MAP2: variants seen among roughly 807,000 people sequenced by gnomAD.
MAP2 encodes the protein microtubule associated protein 2.
In MAP2, 14 loss-of-function variants were observed where a neutral mutation model predicts 137.6. The observed-to-expected ratio is 0.10, with a 90% CI of 0.07 to 0.16. The LOEUF (loss-of-function observed/expected upper bound fraction) is 0.16, where lower values mean the gene tolerates loss of function less well. MAP2 is among the 10% of genes least tolerant of loss of function. The pLI, the probability that MAP2 is intolerant of heterozygous loss-of-function variation, is 1.00. For synonymous variants in MAP2, 786 were observed against 782.3 expected, an observed-to-expected ratio of 1.00 and a Z score of -0.08; for missense variants, 2,088 against 2,191.5, an observed-to-expected ratio of 0.95 and a Z score of 0.94.
intron 3 of MAP2, among the ~76,000 whole-genome samples, chr2:209,618,980 T>C (rs1001284283): frequency 6.6e-6 from 1 of 152,170 alleles, no homozygotes; most frequent in African/African-American, 2.4e-5. Flanking sequence ...ACTACTTGGA[T>C]AAACCTGGAG....
intron 1 of MAP2, among the ~76,000 whole-genome samples, chr2:209,458,963 G>A (rs1008482404): frequency 5.9e-5 from 9 of 152,148 alleles, no homozygotes; most frequent in African/African-American, 1.9e-4. Context: ...CATGTAAAGT[G>A]CTTAGAAAGG....
At chr2:209,581,599 A>C (rs774451145) in intron 3 of MAP2, among the ~76,000 whole-genome samples, 1 of 152,170 alleles carries the variant, frequency 6.6e-6, no homozygotes, top group Non-Finnish European at 1.5e-5. Flanking sequence ...TGGAAAAAAA[A>C]TCTATTTGGT....
intron 2 of MAP2, among the ~76,000 whole-genome samples, chr2:209,560,858 T>A (rs2071882836): frequency 6.6e-6 from 1 of 152,088 alleles, no homozygotes; most frequent in Non-Finnish European, 1.5e-5. Flanking sequence ...CCGTATCACT[T>A]TATACTCTCA....
intron 5 of MAP2, among the ~76,000 whole-genome samples, chr2:209,673,235 T>C (rs983963338): frequency 1.3e-5 from 2 of 151,826 alleles, no homozygotes; most frequent in African/African-American, 2.4e-5. Context: ...TCCTTTTTAA[T>C]GTTTTCCCTC....
At chr2:209,645,045 A>G (rs961195871) in intron 4 of MAP2, among the ~76,000 whole-genome samples, 4 of 152,162 alleles carry the variant, frequency 2.6e-5, no homozygotes, top group Non-Finnish European at 1.5e-5. Flanking sequence ...TGACAGCTGT[A>G]CTTTATTTTC....
At position 209,699,801 on chromosome 2, in the gene MAP2, G is replaced by A. The variant is rs924955845; in HGVS notation, c.4523-476G>A. 2.6e-5 allele frequency among the ~76,000 whole-genome samples: 4 copies of A among 152,318 alleles called. No homozygotes were observed. The South Asian group carries it at 6.2e-4, about 24-fold the overall frequency. On this transcript the variant is annotated intron_variant, in intron 10 of 15. Transcript: ENST00000682079. The stretch of plus-strand genomic sequence containing the variant: ...TTAGCTGATCATGACAGTTTGAAAT[G>A]TAAAATACCGAAATATCTATGGTTA...
chr2:209,428,265 A>G (rs964704145), intron 1 of MAP2, among the ~76,000 whole-genome samples: 6 of 152,200 alleles, frequency 3.9e-5, no homozygotes, highest in Admixed American at 3.9e-4. Context: ...AAAGTTAGAC[A>G]AAATAAAGAG....
chr2:209,485,790 A>G (rs1255228984), intron 1 of MAP2, among the ~76,000 whole-genome samples: 6 of 152,194 alleles, frequency 3.9e-5, no homozygotes, highest in African/African-American at 1.4e-4. Flanking sequence ...TGAATTTGTC[A>G]TTTGCACTTT....
intron 13 of MAP2, among the ~76,000 whole-genome samples, chr2:209,715,328 A>G (rs1053452320): frequency 1.3e-5 from 2 of 152,152 alleles, no homozygotes; most frequent in African/African-American, 4.8e-5. Flanking sequence ...TATTACTTTG[A>G]TAATTCCAGA....
At chr2:209,513,229 A>T (rs1208381860) in intron 2 of MAP2, among the ~76,000 whole-genome samples, 1 of 152,168 alleles carries the variant, frequency 6.6e-6, no homozygotes, top group East Asian at 1.9e-4. Flanking sequence ...GTCAACTTCC[A>T]GTACCTTCTC....
intron 5 of MAP2, among the ~76,000 whole-genome samples, chr2:209,661,121 C>T (rs567513982): frequency 6.6e-6 from 1 of 152,082 alleles, no homozygotes; most frequent in Non-Finnish European, 1.5e-5. Flanking sequence ...CTGCATATGC[C>T]TTTAAATAAA....
Position 209,631,005 on chromosome 2 carries a change from C to CAAA in MAP2, c.-30+5904_-30+5906dup, listed in dbSNP as rs776266690. Among the ~76,000 whole-genome samples, 10 of 42,138 alleles carry CAAA rather than the reference C, an allele frequency of 2.4e-4. 2 individuals carry two copies. Among genetic ancestry groups the CAAA allele is most frequent in the African/African-American group, 2.8e-4 (4 of 14,226 alleles). The allele number at this position is 42,138 out of a possible 152,430, so 27.6% of individuals were successfully genotyped here. On this transcript the variant is annotated intron_variant, in intron 4 of 15. Coordinates refer to ENST00000682079, the MANE Select transcript of MAP2 (RefSeq NM_001375505.1). The stretch of plus-strand genomic sequence containing the variant: ...TTTCAAGATTGAAGGGAGCTACAAG[C>CAAA]AAAAAAAAAAAAAAAAAAAAAAAAA...
At chr2:209,551,712 G>A (rs2069206221) in intron 2 of MAP2, among the ~76,000 whole-genome samples, 2 of 152,092 alleles carry the variant, frequency 1.3e-5, no homozygotes, top group Admixed American at 1.3e-4. Flanking sequence ...TTCTCTCTGT[G>A]GAAGTCATAA....
At chr2:209,434,843 A>C (rs1384062348) in intron 1 of MAP2, among the ~76,000 whole-genome samples, 8,295 of 117,452 alleles carry the variant, frequency 0.071, 1,240 homozygotes, top group African/African-American at 0.29. Context: ...CTATATATAT[A>C]TATATGTTAT....
At chr2:209,518,195 TAAATGTATTAA>T (rs1198540916) in intron 2 of MAP2, among the ~76,000 whole-genome samples, 5 of 152,082 alleles carry the variant, frequency 3.3e-5, no homozygotes, top group African/African-American at 1.2e-4. Flanking sequence ...GTGAATGCTT[TAAATGTATTAA>T]CAGTGGTTAC....
chr2:209,708,828 C>T (rs927707054), intron 12 of MAP2, among the ~76,000 whole-genome samples: 2 of 152,062 alleles, frequency 1.3e-5, no homozygotes, highest in African/African-American at 4.8e-5. Flanking sequence ...CTGGCTTAGA[C>T]GTTAGTAGCA....
intron 1 of MAP2, among the ~76,000 whole-genome samples, chr2:209,446,965 T>A (rs983522302): frequency 1.3e-5 from 2 of 151,946 alleles, no homozygotes; most frequent in African/African-American, 4.8e-5. Flanking sequence ...ACCTAGGTAA[T>A]GTAGGTACTT....
chr2:209,550,658 A>G (rs1429424232), intron 2 of MAP2, among the ~76,000 whole-genome samples: 5 of 152,156 alleles, frequency 3.3e-5, no homozygotes, highest in Admixed American at 6.5e-5. Flanking sequence ...TCATTTTTAG[A>G]TGATTAATAA....
intron 2 of MAP2, among the ~76,000 whole-genome samples, chr2:209,534,605 CT>C (rs2065672630): frequency 6.6e-6 from 1 of 152,222 alleles, no homozygotes; most frequent in African/African-American, 2.4e-5. Flanking sequence ...AAACTAACTT[CT>C]GACTTAGAAG....
Sources: allele counts gnomAD v4.1 joint callset (sites outside exome capture counted in the v4.1 genomes callset), GRCh38; gene constraint gnomAD v4.1.1; transcripts MANE v1.5; gene names NCBI Gene and HGNC (gene_info 2026-07-23, HGNC 2026-07-21).